The following SNTB1 variants were observed in gnomAD, a reference collection of about 807,000 sequenced individuals.
The protein encoded by SNTB1 is beta-1-syntrophin.
Under a neutral mutation model 48.9 loss-of-function variants are expected in SNTB1, and 36 were observed. That is an observed-to-expected ratio of 0.74 (90% confidence interval 0.56 to 0.97). The LOEUF (loss-of-function observed/expected upper bound fraction) is 0.97, where lower values mean the gene tolerates loss of function less well. SNTB1 is among the 50% of genes least tolerant of loss of function. The pLI, the probability that SNTB1 is intolerant of heterozygous loss-of-function variation, is 0.00. For synonymous variants in SNTB1, 299 were observed against 294.6 expected (o/e 1.01, Z -0.15); for missense variants, 786 against 703.4 (o/e 1.12, Z -1.33).
intron 1 of SNTB1, among the ~76,000 whole-genome samples, chr8:120,808,775 A>T (rs924861908): frequency 6.6e-6 from 1 of 152,172 alleles, no homozygotes; most frequent in Non-Finnish European, 1.5e-5. Flanking sequence ...TTCCACTTGT[A>T]GAGGTAGTAA....
In SNTB1 at chr8:120,682,098, A is replaced by G. The variant is rs370460927; in HGVS notation, c.788+11594T>C. ...TATTCATGAGAAGGATTAAAAAATA[A>G]AGTAAAAAAAAAGGTAATGTAAGCA... On this transcript the variant is annotated intron_variant, in intron 2 of 6. Transcript: ENST00000517992. Among the ~76,000 whole-genome samples, 15 of 152,260 alleles carry G rather than the reference A, an allele frequency of 9.9e-5. No individual in the cohort carries two copies. In the East Asian group the frequency reaches 2.5e-3, roughly 25 times the overall value.
At chr8:120,622,438 T>C (rs745973004) in intron 3 of SNTB1, among the ~76,000 whole-genome samples, 3 of 151,980 alleles carry the variant, frequency 2.0e-5, no homozygotes, top group Non-Finnish European at 4.4e-5. Flanking sequence ...GGATGGAAAA[T>C]GAAATGTGTT....
chr8:120,652,017 A>G (rs1475098177), intron 2 of SNTB1, among the ~76,000 whole-genome samples: 2 of 152,180 alleles, frequency 1.3e-5, no homozygotes, highest in East Asian at 3.8e-4. Context: ...ATTGGAAGGG[A>G]GATTTTTACT....
At chr8:120,595,648 A>T (rs1477345963) in intron 3 of SNTB1, among the ~76,000 whole-genome samples, 8 of 151,726 alleles carry the variant, frequency 5.3e-5, no homozygotes, top group Admixed American at 2.0e-4. Context: ...CAATGGCTCA[A>T]TCTCAGCTCA....
At chr8:120,689,894 T>C (rs1272346862) in intron 2 of SNTB1, among the ~76,000 whole-genome samples, 1 of 152,232 alleles carries the variant, frequency 6.6e-6, no homozygotes, top group Admixed American at 6.5e-5. Flanking sequence ...ATTTTGTCAG[T>C]GTTCTTTGTG....
At chr8:120,704,386 G>A (rs1412768986) in intron 1 of SNTB1, among the ~76,000 whole-genome samples, 2 of 152,174 alleles carry the variant, frequency 1.3e-5, no homozygotes, top group Middle Eastern at 3.4e-3. Context: ...AGCTCAGTAA[G>A]TTGAGGCTGC....
chr8:120,665,357 C>G (rs1403061492), intron 2 of SNTB1, among the ~76,000 whole-genome samples: 2 of 152,110 alleles, frequency 1.3e-5, no homozygotes, highest in Non-Finnish European at 2.9e-5. Flanking sequence ...GAGGCTGAGG[C>G]AGGAGAATTG....
At chr8:120,709,477 G>A (rs1308804263) in intron 1 of SNTB1, among the ~76,000 whole-genome samples, 1 of 152,190 alleles carries the variant, frequency 6.6e-6, no homozygotes, top group African/African-American at 2.4e-5. Flanking sequence ...GTTCATCTCA[G>A]TTCCAGTGGA....
chr8:120,668,213 C>T (rs1444610154), intron 2 of SNTB1, among the ~76,000 whole-genome samples: 1 of 152,212 alleles, frequency 6.6e-6, no homozygotes, highest in Admixed American at 6.5e-5. Context: ...TTCCCTCTCC[C>T]TGGGCCATGG....
At chr8:120,773,497 C>T (rs1420404630) in intron 1 of SNTB1, among the ~76,000 whole-genome samples, 1 of 152,188 alleles carries the variant, frequency 6.6e-6, no homozygotes, top group Non-Finnish European at 1.5e-5. Context: ...AGGCCTTATC[C>T]ATTTGAAGAA....
chr8:120,674,130 C>A, intron 2 of SNTB1, among the ~76,000 whole-genome samples: 1 of 152,118 alleles, frequency 6.6e-6, no homozygotes, highest in East Asian at 1.9e-4. Context: ...ATATCCAAGG[C>A]ACCATTAAAA....
intron 1 of SNTB1, 146 bp downstream of exon 1, chr8:120,811,126 AC>A (rs1246492324): frequency 3.5e-6 from 4 of 1,133,524 alleles, no homozygotes; most frequent in Admixed American, 3.6e-5. Flanking sequence ...CCCCTGCGCC[AC>A]CCTTCCCCCC....
Position 120,811,407 on chromosome 8 carries a change from A to G in SNTB1, c.437T>C (p.Leu146Pro), listed in dbSNP as rs1458659172. The G allele has an allele frequency of 6.2e-7, 1 of 1,613,898 alleles. No individual in the cohort carries two copies. The highest frequency in any genetic ancestry group is 8.5e-7 in the Non-Finnish European group (1 of 1,179,882). ...PILISKIFKG[L>P]AADQTQALYV... ...CAGGGCTTGGGTCTGGTCCGCCGCC[A>G]GCCCCTTGAAGATCTTGCTGATGAG... Residue 146 changes from leucine to proline, a missense_variant, in exon 1 of 7, where the codon CTG becomes CCG. By Grantham distance (98) the Leu-to-Pro change is moderately conservative. Coordinates refer to ENST00000517992, the MANE Select transcript of SNTB1 (RefSeq NM_021021.4).
chr8:120,584,617 G>A (rs1384526936), intron 3 of SNTB1, among the ~76,000 whole-genome samples: 1 of 152,036 alleles, frequency 6.6e-6, no homozygotes, highest in Non-Finnish European at 1.5e-5. Context: ...GAGTGAACAT[G>A]TATGACAGTC....
intron 4 of SNTB1, among the ~76,000 whole-genome samples, chr8:120,560,591 T>C (rs1815636488): frequency 1.3e-5 from 2 of 152,234 alleles, no homozygotes; most frequent in Non-Finnish European, 2.9e-5. Flanking sequence ...GGATATTGAC[T>C]ATAAGAAACG....
rs1818769527 is a variant in SNTB1 at position 120,727,092 on chromosome 8, A to G, written c.572-33184T>C. Among the ~76,000 whole-genome samples the G allele has an allele frequency of 2.0e-5, 3 of 152,326 alleles. No homozygotes were observed. The South Asian group carries it at 6.2e-4, about 32-fold the overall frequency. ...TGGTTGGGAGACAGAAGTAAGAGAAACCAGAAAATGCACCTCAGTAAAAAC... is the reference window on the plus strand; with the variant it reads ...TGGTTGGGAGACAGAAGTAAGAGAAGCCAGAAAATGCACCTCAGTAAAAAC... On this transcript the variant is annotated intron_variant, in intron 1 of 6. Transcript: ENST00000517992.
intron 6 of SNTB1, 106 bp from the exon 7 acceptor site, chr8:120,539,075 G>T: frequency 1.3e-6 from 1 of 753,586 alleles, no homozygotes; most frequent in Non-Finnish European, 2.1e-6. Context: ...TCTTTTAAAT[G>T]TTGACTGGAG....
chr8:120,751,336 C>T (rs4870749), intron 1 of SNTB1, among the ~76,000 whole-genome samples: 19,793 of 152,186 alleles, frequency 0.13, 1,676 homozygotes, highest in African/African-American at 0.23. Flanking sequence ...ATTTCTGACA[C>T]GACAACTGGG....
intron 1 of SNTB1, among the ~76,000 whole-genome samples, chr8:120,810,464 T>C (rs922311444): frequency 6.6e-6 from 1 of 152,194 alleles, no homozygotes; most frequent in Non-Finnish European, 1.5e-5. Flanking sequence ...TTCTAGGCTC[T>C]TCGCACGCAG....
Sources: gnomAD v4.1 joint callset for allele counts (sites outside exome capture counted in the v4.1 genomes callset) on GRCh38, gnomAD v4.1.1 for gene constraint, MANE v1.5 for transcripts, NCBI Gene and HGNC (gene_info 2026-07-23, HGNC 2026-07-21) for gene names.